ABLIM2: variants seen among roughly 807,000 people sequenced by gnomAD.
ABLIM2 encodes the protein actin binding LIM protein family member 2.
In ABLIM2, 53 loss-of-function variants were observed where a neutral mutation model predicts 97.7. The ratio of observed to expected loss-of-function variants is 0.54; its 90% CI spans 0.44 to 0.68. ABLIM2 has a LOEUF of 0.68. Ranked by LOEUF, ABLIM2 falls within the 30% of genes least tolerant of loss-of-function variation. The probability of loss-of-function intolerance (pLI) is 0.00; values close to 1 mark genes in which losing one functional copy is unlikely to be tolerated. For missense variants in ABLIM2, 835 were observed against 867.2 expected, an observed-to-expected ratio of 0.96 and a Z score of 0.47; for synonymous variants, 361 against 345.8, an observed-to-expected ratio of 1.04 and a Z score of -0.49.
Position 8,106,525 on chromosome 4 carries a change from C to A in ABLIM2, c.123G>T (p.Lys41Asn). 6.2e-7 allele frequency: 1 copy of A among 1,601,452 alleles called. No homozygotes were observed. The highest frequency in any genetic ancestry group is 8.5e-7 in the Non-Finnish European group (1 of 1,174,306). The change falls in exon 2 of 21, where the codon AAG (lysine) becomes AAT (asparagine). Residue 41 changes from lysine (K) to asparagine (N), a missense_variant. Coordinates refer to ENST00000447017, the MANE Select transcript of ABLIM2 (RefSeq NM_001130083.2). ...CKGEVLRVQD[K>N]YFHIKCFVCK... The stretch of plus-strand genomic sequence containing the variant: ...AGACGAAGCACTTGATGTGGAAGTA[C>A]TTGTCCTGCACCCGCAGCACCTCGC...
rs1409012995 is a variant in ABLIM2, at chr4:8,029,772, T to A, written c.1052A>T (p.Asp351Val). ...CTGCTTGTAGGACCGGTCATCCTGATCCCCCTGGGAGGGAAGATGCAGCTT... is the reference window on the plus strand; with the variant it reads ...CTGCTTGTAGGACCGGTCATCCTGAACCCCCTGGGAGGGAAGATGCAGCTT... ...AGDRQSYGEG[D>V]QDDRSYKQCR... Residue 351 changes from aspartate to valine, a missense_variant, in exon 11 of 21, where the codon GAT becomes GTT. Asp to Val is a radical substitution (Grantham distance 152, BLOSUM62 -3). Coordinates refer to ENST00000447017, the MANE Select transcript of ABLIM2 (RefSeq NM_001130083.2). 1.3e-6 allele frequency: 2 copies of A among 1,570,234 alleles called. No individual in the cohort carries two copies.
chr4:8,158,253 C>A (rs1561656527), intron 1 of ABLIM2, among the ~76,000 whole-genome samples: 1 of 152,206 alleles, frequency 6.6e-6, no homozygotes, highest in Non-Finnish European at 1.5e-5. Context: ...GGCGCAAGGG[C>A]GGCGCCCCCA....
At chr4:8,098,393 G>A (rs138548566) in intron 2 of ABLIM2, among the ~76,000 whole-genome samples, 1 of 152,198 alleles carries the variant, frequency 6.6e-6, no homozygotes, top group Admixed American at 6.5e-5. Flanking sequence ...TTGTGAATAT[G>A]GGCACCTTTA....
chr4:8,002,811 G>A lies in ABLIM2; in HGVS notation c.1618+5248C>T, dbSNP rs186795081. On this transcript the variant is annotated intron_variant, in intron 16 of 20. Coordinates refer to ENST00000447017, the MANE Select transcript of ABLIM2 (RefSeq NM_001130083.2). This position sits in a 1 kb window ranked among gnomAD's most constrained non-coding sequence, Gnocchi z 6.1. ...TCTTCCAACCCACGGCCCGGCCTCCGCCCTGGGTGATGCGGAATGCTCTCC... is the reference window on the plus strand; with the variant it reads ...TCTTCCAACCCACGGCCCGGCCTCCACCCTGGGTGATGCGGAATGCTCTCC... Among the ~76,000 whole-genome samples, 1 of 152,164 alleles carries A rather than the reference G, an allele frequency of 6.6e-6. No individual in the cohort carries two copies. The highest frequency in any genetic ancestry group is 2.4e-5 in the African/African-American group (1 of 41,522).
intron 3 of ABLIM2, among the ~76,000 whole-genome samples, chr4:8,093,125 A>T (rs964637253): frequency 8.5e-5 from 13 of 152,362 alleles, no homozygotes; most frequent in African/African-American, 2.9e-4. Flanking sequence ...CTGGGATTAC[A>T]GGCGTGAGCC....
rs935682986 is a variant in ABLIM2 at position 8,046,323 on chromosome 4, C to A, written c.823-1082G>T. Among the ~76,000 whole-genome samples, 19 of 152,244 alleles carry A rather than the reference C, an allele frequency of 1.2e-4. No homozygotes were observed. Among genetic ancestry groups the A allele is most frequent in the African/African-American group, 4.6e-4 (19 of 41,548 alleles). On this transcript the variant is annotated intron_variant, in intron 8 of 20. Transcript: ENST00000447017. This position sits in a 1 kb window ranked among gnomAD's most constrained non-coding sequence, Gnocchi z 4.4. ...CTGCTGTCCCTCCCCACCTGCAGGG[C>A]AGGGGCCTCTCCTGGTTCAGCTCTC...
At chr4:8,090,521 G>C (rs1017118682) in intron 3 of ABLIM2, among the ~76,000 whole-genome samples, 2 of 152,082 alleles carry the variant, frequency 1.3e-5, no homozygotes, top group Non-Finnish European at 2.9e-5. Context: ...TGTGACAAAT[G>C]TACACACCCA....
chr4:8,076,736 TG>T (rs566153565), intron 6 of ABLIM2, among the ~76,000 whole-genome samples: 13 of 45,996 alleles, frequency 2.8e-4, no homozygotes, highest in African/African-American at 6.8e-4. Context: ...GCTGCAGGGT[TG>T]GGGGGGGTCT....
rs1009521617 is a variant in ABLIM2 at position 8,032,311 on chromosome 4, C to A, written c.1048-2535G>T. 6.6e-6 allele frequency among the ~76,000 whole-genome samples: 1 copy of A among 152,134 alleles called. No homozygotes were observed. The highest frequency in any genetic ancestry group is 1.5e-5 in the Non-Finnish European group (1 of 68,030). On this transcript the variant is annotated intron_variant, in intron 10 of 20. Transcript: ENST00000447017. This position sits in a 1 kb window ranked among gnomAD's most constrained non-coding sequence, Gnocchi z 4.3. ...CTTCCACACAACCCACGTGGAGGGG[C>A]AGGAGGCAGGAAGCGCTCCCAGGCT...
At chr4:8,018,403 G>A (rs1238146930) in intron 14 of ABLIM2, among the ~76,000 whole-genome samples, 1 of 152,122 alleles carries the variant, frequency 6.6e-6, no homozygotes, top group Admixed American at 6.6e-5. Context: ...TAACCCAAGG[G>A]AACTGGTCTG....
At chr4:8,154,195 C>T (rs1714350137) in intron 1 of ABLIM2, among the ~76,000 whole-genome samples, 1 of 151,412 alleles carries the variant, frequency 6.6e-6, no homozygotes, top group Non-Finnish European at 1.5e-5. Flanking sequence ...ATCTCCTGAC[C>T]TTGTGATCCA....
intron 17 of ABLIM2, among the ~76,000 whole-genome samples, chr4:7,990,200 G>T (rs1456308864): frequency 6.6e-6 from 1 of 152,058 alleles, no homozygotes; most frequent in Non-Finnish European, 1.5e-5. Context: ...CTTTTCTTAT[G>T]TAATATATAT....
intron 18 of ABLIM2, among the ~76,000 whole-genome samples, chr4:7,984,609 G>A (rs1322819001): frequency 2.0e-5 from 3 of 152,244 alleles, no homozygotes; most frequent in African/African-American, 7.2e-5. Flanking sequence ...GGGCCGCCGT[G>A]GCCATGGATG....
intron 3 of ABLIM2, among the ~76,000 whole-genome samples, chr4:8,093,484 C>T (rs1480606861): frequency 6.6e-6 from 1 of 152,194 alleles, no homozygotes; most frequent in Non-Finnish European, 1.5e-5. Context: ...TATTCACATA[C>T]AATGTAATGT....
In ABLIM2 at chr4:8,128,184, C is replaced by T. The variant is rs1177587321; in HGVS notation, c.11-21547G>A. ...CCCCCACCTTCACAGGCCGTCTTCC[C>T]TGTGTGTCTCTGCGTGTCCTTTTTA... On this transcript the variant is annotated intron_variant, in intron 1 of 20. Transcript: ENST00000447017. This position sits in a 1 kb window ranked among gnomAD's most constrained non-coding sequence, Gnocchi z 4.9. Among the ~76,000 whole-genome samples, 1 of 152,192 alleles carries T rather than the reference C, an allele frequency of 6.6e-6. No individual in the cohort carries two copies. Among genetic ancestry groups the T allele is most frequent in the Non-Finnish European group, 1.5e-5 (1 of 68,024 alleles).
chr4:8,137,437 G>C (rs1185255456), intron 1 of ABLIM2, among the ~76,000 whole-genome samples: 1 of 152,210 alleles, frequency 6.6e-6, no homozygotes, highest in African/African-American at 2.4e-5. Context: ...TGCCCCATGG[G>C]GCAGGCCTCT....
At chr4:8,108,230 C>A (rs558167020) in intron 1 of ABLIM2, among the ~76,000 whole-genome samples, 1 of 152,254 alleles carries the variant, frequency 6.6e-6, no homozygotes, top group Non-Finnish European at 1.5e-5. Flanking sequence ...ATTCTGCCAG[C>A]CACTCCTTGT....
intron 2 of ABLIM2, among the ~76,000 whole-genome samples, chr4:8,105,074 G>A (rs772912641): frequency 6.6e-6 from 1 of 152,138 alleles, no homozygotes; most frequent in Non-Finnish European, 1.5e-5. Flanking sequence ...AGCTCCTCGC[G>A]CTTCCAGACC....
At chr4:8,064,013 T>A (rs1481773239) in intron 6 of ABLIM2, among the ~76,000 whole-genome samples, 1 of 152,216 alleles carries the variant, frequency 6.6e-6, no homozygotes, top group Non-Finnish European at 1.5e-5. Context: ...GTTTAAATGT[T>A]TAGCCCATTG....
Sources: allele counts gnomAD v4.1 joint callset (sites outside exome capture counted in the v4.1 genomes callset), GRCh38; gene constraint gnomAD v4.1.1; non-coding constraint Gnocchi (gnomAD v3.1); transcripts MANE v1.5; gene names NCBI Gene and HGNC (gene_info 2026-07-23, HGNC 2026-07-21).